Variants in GGA2 observed in about 807,000 individuals in gnomAD.
The protein encoded by GGA2 is golgi associated, gamma adaptin ear containing, ARF binding protein 2.
Under a neutral mutation model 79.5 loss-of-function variants are expected in GGA2, and 48 were observed. The observed-to-expected ratio is 0.60, with a 90% CI of 0.48 to 0.77. The LOEUF is 0.77. Ranked by LOEUF, GGA2 falls within the 30% of genes least tolerant of loss-of-function variation. The pLI, the probability that GGA2 is intolerant of heterozygous loss-of-function variation, is 0.00. For synonymous variants in GGA2, 317 were observed against 302.0 expected, an observed-to-expected ratio of 1.05 and a Z score of -0.51; for missense variants, 770 against 774.0, an observed-to-expected ratio of 0.99 and a Z score of 0.06.
chr16:23,473,498 A>C (rs972005879), intron 14 of GGA2, among the ~76,000 whole-genome samples: 1 of 151,794 alleles, frequency 6.6e-6, no homozygotes, highest in African/African-American at 2.4e-5. Context: ...TACCACACCC[A>C]GCTAATTTTT....
intron 10 of GGA2, 77 bp from the exon 11 acceptor site, chr16:23,479,964 C>A: frequency 7.3e-7 from 1 of 1,365,418 alleles, no homozygotes; most frequent in South Asian, 1.3e-5. Flanking sequence ...ATCAGCTTCC[C>A]TCAGACCACC....
At chr16:23,487,406 G>C (rs1567364137) in intron 6 of GGA2, among the ~76,000 whole-genome samples, 1 of 152,174 alleles carries the variant, frequency 6.6e-6, no homozygotes, top group Non-Finnish European at 1.5e-5. Flanking sequence ...CGTGGGTAGA[G>C]TGAGGAATGC....
upstream of GGA2, chr16:23,523,374 T>G (rs1421025841): frequency 6.6e-6 from 1 of 151,860 alleles, no homozygotes; most frequent in Non-Finnish European, 1.5e-5. Context: ...AGCCACAAAA[T>G]AGGAAGGGTG....
At chr16:23,511,051 T>TGTGTGTGTGTGTGTGTGTGTGTG (rs1965051492), upstream of GGA2, among the ~76,000 whole-genome samples, 1 of 76,172 alleles carries the variant, frequency 1.3e-5, no homozygotes, top group African/African-American at 5.3e-5. Flanking sequence ...GTGTGTGTGT[T>TGTGTGTGTGTGTGTGTGTGTGTG]AGAGACTGGG....
intron 8 of GGA2, 31 bp from the exon 9 acceptor site, chr16:23,483,035 C>T (rs376919279): frequency 4.1e-5 from 59 of 1,437,064 alleles, no homozygotes; most frequent in African/African-American, 2.1e-4. Context: ...TCATGACACA[C>T]GCCCAGGCAC....
In GGA2 at chr16:23,467,700, C is replaced by T. The variant is rs2142110573; in HGVS notation, c.1732G>A (p.Glu578Lys). ...QMLLLDNPHK[E>K]PIRLRYKLTF... is the part of the protein sequence containing the mutation. The stretch of plus-strand genomic sequence containing the variant: ...AGCTTGTACCGTAAGCGGATAGGTT[C>T]CTGGGACAGAAGAGACAGAAGATGT... Residue 578 changes from glutamate to lysine, a missense_variant and splice_region_variant, in exon 17 of 17, where the codon GAA (glutamate) becomes AAA (lysine). By Grantham distance (56) the Glu-to-Lys change is moderately conservative. Coordinates refer to ENST00000309859, the MANE Select transcript of GGA2 (RefSeq NM_015044.4). 2 of 1,519,142 alleles carry T rather than the reference C, an allele frequency of 1.3e-6. No homozygotes were observed. Among genetic ancestry groups the T allele is most frequent in the Non-Finnish European group, 1.8e-6 (2 of 1,093,530 alleles). 94.1% of individuals were successfully genotyped at this position (1,519,142 alleles called of 1,614,324 possible).
intron 8 of GGA2, among the ~76,000 whole-genome samples, 194 bp from the exon 9 acceptor site, chr16:23,483,198 G>A (rs188122815): frequency 1.3e-5 from 2 of 152,290 alleles, no homozygotes; most frequent in Admixed American, 6.5e-5. Flanking sequence ...GGCTACAAGT[G>A]TATGATTTCT....
chr16:23,498,220 C>T (rs1037456782), intron 1 of GGA2, among the ~76,000 whole-genome samples: 2 of 151,288 alleles, frequency 1.3e-5, no homozygotes, highest in African/African-American at 4.9e-5. Context: ...GCAGAGGTTG[C>T]AGTGAGCTGA....
intron 16 of GGA2, among the ~76,000 whole-genome samples, chr16:23,468,234 G>A (rs1292159535): frequency 6.6e-6 from 1 of 152,116 alleles, no homozygotes; most frequent in Non-Finnish European, 1.5e-5. Context: ...CTGGAGTGCA[G>A]TGGTGCGATC....
chr16:23,519,712 G>A (rs772694909), intron 1 of GGA2: 10 of 293,156 alleles, frequency 3.4e-5, no homozygotes, highest in Non-Finnish European at 6.3e-5. Flanking sequence ...TCAGAGGGCC[G>A]AGTGGCTGCC....
intron 4 of GGA2, among the ~76,000 whole-genome samples, chr16:23,492,194 A>T (rs574006593): frequency 6.6e-6 from 1 of 152,312 alleles, no homozygotes; most frequent in South Asian, 2.1e-4. Flanking sequence ...ACACACTCGC[A>T]GGGTGCACCT....
chr16:23,493,229 G>T, intron 4 of GGA2, 131 bp downstream of exon 4: 1 of 655,002 alleles, frequency 1.5e-6, no homozygotes. Context: ...TTGGAGAGGA[G>T]AGCGCTTCTT....
chr16:23,513,783 C>CAAAAAAAAAAAAAAAAAAAAAAAAAAAA (rs754377361), upstream of GGA2, among the ~76,000 whole-genome samples: 1 of 47,164 alleles, frequency 2.1e-5, no homozygotes, highest in Non-Finnish European at 5.3e-5. Context: ...GACTCTGTCT[C>CAAAAAAAAAAAAAAAAAAAAAAAAAAAA]AAAAAAAAAA....
rs1964449318 is a variant in GGA2 at position 23,467,284 on chromosome 16, G to A, written c.*306C>T. 3.4e-6 allele frequency: 1 copy of A among 297,020 alleles called. No individual in the cohort carries two copies. The highest frequency in any genetic ancestry group is 2.1e-5 in the African/African-American group (1 of 46,522). The allele number at this position is 297,020 out of a possible 1,614,324, so 18.4% of individuals were successfully genotyped here. ...TGAGGCAGGGACAGTGTCGCTCGCT[G>A]ACATGCAGAAACATGACTGTAGCAG... On this transcript the variant is annotated 3_prime_UTR_variant, in exon 17 of 17. Coordinates refer to ENST00000309859, the MANE Select transcript of GGA2 (RefSeq NM_015044.4).
rs768157448 is a variant in GGA2, at chr16:23,467,688, A to T, written c.1744T>A (p.Leu582Ile). The T allele has an allele frequency of 6.3e-7, 1 of 1,581,660 alleles. No individual in the cohort carries two copies. The highest frequency in any genetic ancestry group is 1.7e-5 in the Admixed American group (1 of 59,970). The change falls in exon 17 of 17, where the codon TTA (leucine) becomes ATA (isoleucine). Residue 582 changes from leucine (L) to isoleucine (I), a missense_variant. By Grantham distance (5) the Leu-to-Ile change is conservative. Coordinates refer to ENST00000309859, the MANE Select transcript of GGA2 (RefSeq NM_015044.4). ...LDNPHKEPIR[L>I]RYKLTFNQGG... ...TGGTTGAATGTCAGCTTGTACCGTAAGCGGATAGGTTCCTGGGACAGAAGA... is the reference window on the plus strand; with the variant it reads ...TGGTTGAATGTCAGCTTGTACCGTATGCGGATAGGTTCCTGGGACAGAAGA...
At chr16:23,499,114 G>C (rs980764807) in intron 1 of GGA2, among the ~76,000 whole-genome samples, 7 of 150,714 alleles carry the variant, frequency 4.6e-5, no homozygotes, top group African/African-American at 1.7e-4. Flanking sequence ...TGGCTGCCAA[G>C]TGAAAGAGAC....
At chr16:23,492,041 T>C (rs1383316120) in intron 4 of GGA2, among the ~76,000 whole-genome samples, 1 of 151,948 alleles carries the variant, frequency 6.6e-6, no homozygotes, top group Non-Finnish European at 1.5e-5. Context: ...GGTCAGAGCC[T>C]GTTCTACACC....
intron 1 of GGA2, among the ~76,000 whole-genome samples, chr16:23,499,007 G>C (rs1024073903): frequency 1.3e-5 from 2 of 152,116 alleles, no homozygotes; most frequent in African/African-American, 4.8e-5. Flanking sequence ...GAGGCAGGAA[G>C]AGAACAGGGG....
At chr16:23,522,991 C>T (rs1386512946), upstream of GGA2, 1 of 152,238 alleles carries the variant, frequency 6.6e-6, no homozygotes, top group Non-Finnish European at 1.5e-5. Context: ...TGGAAGCTGG[C>T]TTCCCCCAAA....
Sources: allele counts gnomAD v4.1 joint callset (sites outside exome capture counted in the v4.1 genomes callset), GRCh38; gene constraint gnomAD v4.1.1; transcripts MANE v1.5; gene names NCBI Gene and HGNC (gene_info 2026-07-23, HGNC 2026-07-21).